The following VEZF1 variants were observed in gnomAD, a reference collection of about 807,000 sequenced individuals.
VEZF1 encodes vascular endothelial zinc finger 1, also known as putative transcription factor DB1.
A neutral mutation model predicts 44.1 loss-of-function variants in VEZF1; 5 were observed. The ratio of observed to expected loss-of-function variants is 0.11; its 90% CI spans 0.06 to 0.24. VEZF1 has a LOEUF of 0.24. VEZF1 is among the 10% of genes least tolerant of loss of function. The pLI is 1.00. For synonymous variants in VEZF1, 236 were observed against 233.1 expected (o/e 1.01, Z -0.11); for missense variants, 358 against 641.8 (o/e 0.56, Z 4.78).
rs2075158424 is a variant in VEZF1, at chr17:57,973,513, GTAA to G, written c.*957_*959del. ...AGCAACTAACACATCTGTCCCTGTTGTAATATCAACAGGCTCTGATTGGGAGAG... is the reference window on the plus strand; with the variant it reads ...AGCAACTAACACATCTGTCCCTGTTGTATCAACAGGCTCTGATTGGGAGAG... On this transcript the variant is annotated 3_prime_UTR_variant, in exon 6 of 6. Transcript: ENST00000581208. 1 of 152,610 alleles carries G rather than the reference GTAA, an allele frequency of 6.6e-6. No homozygotes were observed. Among genetic ancestry groups the G allele is most frequent in the Non-Finnish European group, 1.5e-5 (1 of 68,040 alleles). 9.5% of individuals were successfully genotyped at this position (152,610 alleles called of 1,614,324 possible).
intron 3 of VEZF1, 150 bp downstream of exon 3, chr17:57,981,723 A>G: frequency 1.7e-6 from 1 of 575,898 alleles, no homozygotes. Flanking sequence ...GCTGTCAGTT[A>G]TATTTTATAA....
chr17:57,980,028 A>T (rs1299086887), intron 4 of VEZF1, among the ~76,000 whole-genome samples: 4 of 152,068 alleles, frequency 2.6e-5, no homozygotes, highest in Non-Finnish European at 4.4e-5. Flanking sequence ...AAAGTACAAC[A>T]TACCAGTGTA....
In VEZF1 at chr17:57,983,309, G is replaced by C. The variant is rs1316283254; in HGVS notation, c.118C>G (p.Gln40Glu). 6.2e-7 allele frequency: 1 copy of C among 1,614,024 alleles called. No homozygotes were observed. The highest frequency in any genetic ancestry group is 1.3e-5 in the African/African-American group (1 of 74,910). Residue 40 changes from glutamine to glutamate, a missense_variant, in exon 2 of 6, where the codon CAG becomes GAG. Gln to Glu is a conservative substitution (Grantham distance 29). Around this residue, in one of 4 missense-constraint regions of VEZF1, gnomAD observed 117 missense variants for 207.2 expected, o/e 0.56. Transcript: ENST00000581208. ...ATTGGTATTGGAAGCAATGGTTTCT[G>C]ATCAGGGGGCTCCACGGCAGAGCTC... ...LLSSAVEPPDQKPLLPIPITQ... is the reference protein window; with the variant it reads ...LLSSAVEPPDEKPLLPIPITQ...
Position 57,974,413 on chromosome 17 carries a change from T to A in VEZF1, c.*60A>T. 1 of 1,544,136 alleles carries A rather than the reference T, an allele frequency of 6.5e-7. No individual in the cohort carries two copies. The highest frequency in any genetic ancestry group is 8.8e-7 in the Non-Finnish European group (1 of 1,138,752). ...TGGTTTACTTTTTGCTTTAATCAAC[T>A]AAAAGTTAAGTTGCTGGTAAATATT... On this transcript the variant is annotated 3_prime_UTR_variant, in exon 6 of 6. Transcript: ENST00000581208.
chr17:57,984,986 C>T (rs2075282136), intron 1 of VEZF1, among the ~76,000 whole-genome samples: 1 of 152,214 alleles, frequency 6.6e-6, no homozygotes, highest in Non-Finnish European at 1.5e-5. Context: ...ATGTAAGGGT[C>T]TATCTACCCA....
intron 4 of VEZF1, among the ~76,000 whole-genome samples, chr17:57,979,872 A>G (rs547546196): frequency 2.6e-3 from 389 of 148,822 alleles, no homozygotes; most frequent in Non-Finnish European, 4.4e-3. Context: ...TGGGAGGCTG[A>G]GGCAGGAGAA....
Position 57,973,403 on chromosome 17 carries a change from G to C in VEZF1, c.*1070C>G, listed in dbSNP as rs369204881. The stretch of plus-strand genomic sequence containing the variant: ...AGAAATTTAAAAAAAGATACACTCT[G>C]CATGTTCTGAAGGGGCATACACTAC... On this transcript the variant is annotated 3_prime_UTR_variant, in exon 6 of 6. Transcript: ENST00000581208. The C allele has an allele frequency of 6.6e-6, 1 of 152,594 alleles. No homozygotes were observed. Among genetic ancestry groups the C allele is most frequent in the Non-Finnish European group, 1.5e-5 (1 of 68,026 alleles). The allele number at this position is 152,594 out of a possible 1,614,324, so 9.5% of individuals were successfully genotyped here. A position where few individuals can be genotyped will look rare whatever the true frequency, so the allele number is the denominator to read the frequency against.
chr17:57,979,080 C>A, intron 5 of VEZF1, 72 bp downstream of exon 5: 1 of 1,551,202 alleles, frequency 6.4e-7, no homozygotes, highest in South Asian at 1.2e-5. Flanking sequence ...GGCTTCTCTA[C>A]TTTGATCACT....
chr17:57,982,646 GA>G (rs2075260321), intron 2 of VEZF1, 52 bp downstream of exon 2: 1 of 1,520,438 alleles, frequency 6.6e-7, no homozygotes, highest in African/African-American at 1.4e-5. Flanking sequence ...AGACAAAACT[GA>G]AGTACACTGA....
chr17:57,984,607 T>G (rs561407007), intron 1 of VEZF1, among the ~76,000 whole-genome samples: 2 of 152,278 alleles, frequency 1.3e-5, no homozygotes, highest in Non-Finnish European at 2.9e-5. Flanking sequence ...TTAGACACTT[T>G]AGACGGTTAC....
At chr17:57,987,579 A>G (rs924521215) in intron 1 of VEZF1, among the ~76,000 whole-genome samples, 1 of 152,040 alleles carries the variant, frequency 6.6e-6, no homozygotes, top group Non-Finnish European at 1.5e-5. Flanking sequence ...CACACACACA[A>G]AAAGACGAGG....
In VEZF1 at chr17:57,974,834, C is replaced by A; in HGVS notation, c.1205G>T (p.Ser402Ile). The A allele has an allele frequency of 6.2e-7, 1 of 1,614,146 alleles. No individual in the cohort carries two copies. ...TTPVTLTTPF[S>I]ITSSVSSGTM... ...CCCAGACGACACAGAGGATGTTATACTGAATGGAGTAGTGAGAGTCACAGG... is the reference window on the plus strand; with the variant it reads ...CCCAGACGACACAGAGGATGTTATAATGAATGGAGTAGTGAGAGTCACAGG... Residue 402 changes from serine to isoleucine, a missense_variant, in exon 6 of 6, where the codon AGT becomes ATT. Around this residue, in one of 4 missense-constraint regions of VEZF1, gnomAD observed 171 missense variants for 272.4 expected, o/e 0.63. Transcript: ENST00000581208.
In VEZF1 at chr17:57,971,776, T is replaced by C. The variant is rs2075138382; in HGVS notation, c.*2697A>G. ...GATGTCAGATTTAAGGATTATCTAA[T>C]ACAACTGTTTAGCTGCCAATCTGAT... On this transcript the variant is annotated 3_prime_UTR_variant, in exon 6 of 6. Coordinates refer to ENST00000581208, the MANE Select transcript of VEZF1 (RefSeq NM_007146.3). The C allele has an allele frequency of 6.6e-6, 1 of 152,584 alleles. No homozygotes were observed. Among genetic ancestry groups the C allele is most frequent in the African/African-American group, 2.4e-5 (1 of 41,428 alleles). 9.5% of individuals were successfully genotyped at this position (152,584 alleles called of 1,614,324 possible).
At chr17:57,978,724 G>A (rs1224806596) in intron 5 of VEZF1, among the ~76,000 whole-genome samples, 1 of 151,728 alleles carries the variant, frequency 6.6e-6, no homozygotes, top group Non-Finnish European at 1.5e-5. Context: ...ACACTACAGA[G>A]CAAAAATAGC....
Position 57,979,119 on chromosome 17 carries a change from G to A in VEZF1, c.1138+33C>T, listed in dbSNP as rs780854884. ...CATACTAAATGAAAACACTTCTCTA[G>A]CCATATTTTCAACACTGGAAGCTGT... On this transcript the variant is annotated intron_variant, in intron 5 of 5. Coordinates refer to ENST00000581208, the MANE Select transcript of VEZF1 (RefSeq NM_007146.3). 1.9e-6 allele frequency: 3 copies of A among 1,603,698 alleles called. No individual in the cohort carries two copies. The Admixed American group carries it at 5.1e-5, about 27-fold the overall frequency.
chr17:57,982,047 C>G, intron 2 of VEZF1, 111 bp from the exon 3 acceptor site: 1 of 1,162,126 alleles, frequency 8.6e-7, no homozygotes, highest in Middle Eastern at 2.6e-4. Flanking sequence ...TTAGGGAAAG[C>G]TAGCAGAATT....
In VEZF1 at chr17:57,973,743, A is replaced by C. The variant is rs942880943; in HGVS notation, c.*730T>G. 2 of 150,690 alleles carry C rather than the reference A, an allele frequency of 1.3e-5. No homozygotes were observed. The highest frequency in any genetic ancestry group is 4.9e-5 in the African/African-American group (2 of 40,502). 9.3% of individuals were successfully genotyped at this position (150,690 alleles called of 1,614,324 possible). On this transcript the variant is annotated 3_prime_UTR_variant, in exon 6 of 6. Coordinates refer to ENST00000581208, the MANE Select transcript of VEZF1 (RefSeq NM_007146.3). ...AAACACAATTTGTAGATTTTTTTTA[A>C]ATTTTTTTTTTTTTTAAAAAGTCAA...
chr17:57,985,248 A>C, intron 1 of VEZF1: 1 of 1,231,270 alleles, frequency 8.1e-7, no homozygotes, highest in Non-Finnish European at 1.0e-6. Context: ...TACTAAAAGC[A>C]CTTACTGCCA....
rs187961356 is a variant in VEZF1 at position 57,977,597 on chromosome 17, T to C, written c.1138+1555A>G. ...CAGTAGCTCACGCCTATAATCCCAG[T>C]ACTTTGGGAGGGTGAGGCGGGCAGA... On this transcript the variant is annotated intron_variant, in intron 5 of 5. Coordinates refer to ENST00000581208, the MANE Select transcript of VEZF1 (RefSeq NM_007146.3). 7.6e-3 allele frequency among the ~76,000 whole-genome samples: 1,157 copies of C among 152,146 alleles called. 11 individuals are homozygous for C. The highest frequency in any genetic ancestry group is 0.027 in the African/African-American group (1,104 of 41,500).
Sources: allele counts gnomAD v4.1 joint callset (sites outside exome capture counted in the v4.1 genomes callset), GRCh38; gene constraint gnomAD v4.1.1; regional missense constraint gnomAD v4.1.1; transcripts MANE v1.5; gene names NCBI Gene and HGNC (gene_info 2026-07-23, HGNC 2026-07-21).